The following TNFSF13B variants were observed in gnomAD, a reference collection of about 807,000 sequenced individuals.
The protein encoded by TNFSF13B is TNF superfamily member 13b, also known as tumor necrosis factor ligand superfamily member 13B.
TNFSF13B carries 8 observed loss-of-function variants against 29.1 expected under a neutral mutation model. That is an observed-to-expected ratio of 0.27 (90% CI 0.16 to 0.50). The LOEUF (loss-of-function observed/expected upper bound fraction) is 0.50. Among genes scored for constraint, TNFSF13B ranks in the 20% least tolerant of loss-of-function variants. The pLI, the probability that TNFSF13B is intolerant of heterozygous loss-of-function variation, is 0.98. For missense variants in TNFSF13B, 248 were observed against 334.9 expected (o/e 0.74, Z 2.03); for synonymous variants, 125 against 130.8 (o/e 0.96, Z 0.30).
intron 2 of TNFSF13B, among the ~76,000 whole-genome samples, chr13:108,283,963 G>T (rs1052562169): frequency 6.6e-6 from 1 of 152,082 alleles, no homozygotes; most frequent in African/African-American, 2.4e-5. Flanking sequence ...TAGGAATTTG[G>T]GGGCAACACA....
chr13:108,296,418 CTATTTGCAAGGAGGCA>C (rs1386853816), intron 3 of TNFSF13B, among the ~76,000 whole-genome samples: 2 of 145,272 alleles, frequency 1.4e-5, no homozygotes, highest in Non-Finnish European at 3.1e-5. Flanking sequence ...TCTTTGGCTG[CTATTTGCAAGGAGGCA>C]TATTTGTCAT....
At chr13:108,277,086 C>T (rs759878624) in intron 2 of TNFSF13B, among the ~76,000 whole-genome samples, 10 of 152,208 alleles carry the variant, frequency 6.6e-5, no homozygotes, top group East Asian at 3.9e-4. Context: ...AAGAGGACAG[C>T]GAAGCTAACA....
At chr13:108,291,757 A>G (rs1472620739) in intron 3 of TNFSF13B, among the ~76,000 whole-genome samples, 2 of 151,982 alleles carry the variant, frequency 1.3e-5, no homozygotes, top group Non-Finnish European at 2.9e-5. Context: ...TTATTGGGTG[A>G]TATAAATCAA....
At chr13:108,291,476 C>T (rs1187839315) in intron 3 of TNFSF13B, among the ~76,000 whole-genome samples, 2 of 151,458 alleles carry the variant, frequency 1.3e-5, no homozygotes, top group African/African-American at 2.4e-5. Flanking sequence ...AGTGTTTTAC[C>T]TTTTCAAATG....
intron 2 of TNFSF13B, among the ~76,000 whole-genome samples, chr13:108,278,994 T>G (rs921362812): frequency 6.6e-5 from 10 of 152,208 alleles, no homozygotes; most frequent in African/African-American, 2.4e-4. Context: ...AGGAAAATGT[T>G]TCCTATATAA....
rs1881793628 is a variant in TNFSF13B at position 108,307,007 on chromosome 13, T to C, written c.*69T>C. 4.0e-5 allele frequency: 5 copies of C among 125,436 alleles called. No homozygotes were observed. The highest frequency in any genetic ancestry group is 3.1e-4 in the South Asian group (4 of 12,746). The allele number at this position is 125,436 out of a possible 1,614,324, so 7.8% of individuals were successfully genotyped here. ...TACCTCTAAGAAGAAAGAATCTAAC[T>C]GAAAATACCAAAAAAAAAAAAAAAA... On this transcript the variant is annotated 3_prime_UTR_variant, in exon 6 of 6. Coordinates refer to ENST00000375887, the MANE Select transcript of TNFSF13B (RefSeq NM_006573.5).
chr13:108,288,815 C>T (rs1026433488), intron 3 of TNFSF13B, among the ~76,000 whole-genome samples: 6 of 152,196 alleles, frequency 3.9e-5, no homozygotes, highest in South Asian at 4.1e-4. Flanking sequence ...GTGTTGTGAA[C>T]GAACTACGAG....
Position 108,269,774 on chromosome 13 carries a change from G to T in TNFSF13B, c.-122G>T. 1 of 898,080 alleles carries T rather than the reference G, an allele frequency of 1.1e-6. No individual in the cohort carries two copies. Among genetic ancestry groups the T allele is most frequent in the Non-Finnish European group, 1.7e-6 (1 of 585,458 alleles). 55.6% of individuals were successfully genotyped at this position (898,080 alleles called of 1,614,324 possible). ...AAAATTCAGGATAACTCTCCTGAGG[G>T]GTGAGCCAAGCCCTGCCATGTAGTG... is the stretch of plus-strand genomic sequence containing the variant. On this transcript the variant is annotated 5_prime_UTR_variant, in exon 1 of 6. Transcript: ENST00000375887.
chr13:108,270,227 G>A lies in TNFSF13B; in HGVS notation c.332G>A (p.Gly111Glu). The A allele has an allele frequency of 6.2e-7, 1 of 1,605,860 alleles. No homozygotes were observed. Among genetic ancestry groups the A allele is most frequent in the Non-Finnish European group, 8.5e-7 (1 of 1,177,854 alleles). ...GAGGAAGCTCCAGCTGTCACCGCGG[G>A]ACTGAAAGTGAGTTTGCAGCAGCTG... ...GLEEAPAVTAGLKIFEPPAPG... is the reference protein window; with the variant it reads ...GLEEAPAVTAELKIFEPPAPG... The change falls in exon 1 of 6, where the codon GGA becomes GAA. Residue 111 changes from glycine to glutamate, a missense_variant. By Grantham distance (98) the Gly-to-Glu change is moderately conservative. This residue lies in a region of TNFSF13B where 186 missense variants were observed against 196.3 expected (regional missense o/e 0.95). Transcript: ENST00000375887.
rs1470402263 is a variant in TNFSF13B at position 108,296,688 on chromosome 13, T to G, written c.482-6565T>G. ...TTATAAGTTTTGTTCCTCAATTCCTTTATTACCTCTTTATTTTGTTTTTAA... is the reference window on the plus strand; with the variant it reads ...TTATAAGTTTTGTTCCTCAATTCCTGTATTACCTCTTTATTTTGTTTTTAA... On this transcript the variant is annotated intron_variant, in intron 3 of 5. Coordinates refer to ENST00000375887, the MANE Select transcript of TNFSF13B (RefSeq NM_006573.5). Among the ~76,000 whole-genome samples the G allele has an allele frequency of 3.4e-5, 5 of 145,952 alleles. 1 individual carries two copies. Among genetic ancestry groups the G allele is most frequent in the African/African-American group, 5.1e-5 (2 of 38,988 alleles).
At chr13:108,274,364 CAA>C (rs977063460) in intron 2 of TNFSF13B, among the ~76,000 whole-genome samples, 4 of 62,478 alleles carry the variant, frequency 6.4e-5, no homozygotes, top group Non-Finnish European at 1.3e-4. Context: ...TATACACATA[CAA>C]ATATATATAT....
chr13:108,278,633 T>TC (rs1880833919), intron 2 of TNFSF13B, among the ~76,000 whole-genome samples: 4 of 88,100 alleles, frequency 4.5e-5, no homozygotes, highest in South Asian at 4.4e-4. Flanking sequence ...CCTCCTCCCT[T>TC]TCCTCCTCCT....
Position 108,307,022 on chromosome 13 carries a change from A to G in TNFSF13B, c.*84A>G. The G allele has an allele frequency of 2.7e-6, 1 of 368,658 alleles. No homozygotes were observed. The highest frequency in any genetic ancestry group is 4.2e-6 in the Non-Finnish European group (1 of 237,756). The allele number at this position is 368,658 out of a possible 1,614,324, so 22.8% of individuals were successfully genotyped here. A position where few individuals can be genotyped will look rare whatever the true frequency, so the allele number is the denominator to read the frequency against. ...AGAATCTAACTGAAAATACCAAAAA[A>G]AAAAAAAAAAAAAAAAAAAAAAAAA... On this transcript the variant is annotated 3_prime_UTR_variant, in exon 6 of 6. Coordinates refer to ENST00000375887, the MANE Select transcript of TNFSF13B (RefSeq NM_006573.5).
chr13:108,292,862 C>G (rs1271098922), intron 3 of TNFSF13B, among the ~76,000 whole-genome samples: 1 of 152,102 alleles, frequency 6.6e-6, no homozygotes, highest in Non-Finnish European at 1.5e-5. Flanking sequence ...ATTTTCTCCT[C>G]TTTTGTGGAT....
At chr13:108,305,550 A>T (rs1881748274) in intron 5 of TNFSF13B, among the ~76,000 whole-genome samples, 1 of 152,172 alleles carries the variant, frequency 6.6e-6, no homozygotes, top group Admixed American at 6.5e-5. Flanking sequence ...ATGTTAGGTC[A>T]TTTCCAATCT....
chr13:108,297,782 A>G (rs1460355156), intron 3 of TNFSF13B, among the ~76,000 whole-genome samples: 1 of 145,866 alleles, frequency 6.9e-6, no homozygotes, highest in Non-Finnish European at 1.5e-5. Flanking sequence ...AGAGTGATAC[A>G]TTTGTTACAA....
chr13:108,283,981 A>G (rs1369196785), intron 2 of TNFSF13B, among the ~76,000 whole-genome samples: 1 of 152,192 alleles, frequency 6.6e-6, no homozygotes, highest in African/African-American at 2.4e-5. Context: ...ACAGACATTC[A>G]GACCATAGCC....
chr13:108,282,037 T>A (rs1880972614), intron 2 of TNFSF13B, among the ~76,000 whole-genome samples: 1 of 152,124 alleles, frequency 6.6e-6, no homozygotes. Flanking sequence ...TTTGCAGAAA[T>A]GAAAGTGAGG....
chr13:108,285,800 A>G (rs888719677), intron 2 of TNFSF13B, among the ~76,000 whole-genome samples: 45 of 152,330 alleles, frequency 3.0e-4, no homozygotes, highest in Non-Finnish European at 4.4e-4. Flanking sequence ...TCTTAGTAAA[A>G]TATTTGGTAG....
Sources: allele counts gnomAD v4.1 joint callset (sites outside exome capture counted in the v4.1 genomes callset), GRCh38; gene constraint gnomAD v4.1.1; regional missense constraint gnomAD v4.1.1; transcripts MANE v1.5; gene names NCBI Gene and HGNC (gene_info 2026-07-23, HGNC 2026-07-21).